Variants in ANO10 observed in about 807,000 individuals in gnomAD.
ANO10 encodes anoctamin 10, also known as anoctamin-10.
ANO10 carries 77 observed loss-of-function variants against 74.7 expected under a neutral mutation model. The observed-to-expected ratio is 1.03, with a 90% CI of 0.86 to 1.25. ANO10 has a LOEUF of 1.25. Ranked by LOEUF, ANO10 falls within the 50% of genes most tolerant of loss-of-function variation. ANO10 has a pLI of 0.00. For synonymous variants in ANO10, 279 were observed against 284.9 expected (o/e 0.98, Z 0.21); for missense variants, 721 against 778.1 (o/e 0.93, Z 0.87).
intron 6 of ANO10, 73 bp from the exon 7 acceptor site, chr3:43,574,937 A>C: frequency 7.9e-7 from 1 of 1,258,320 alleles, no homozygotes; most frequent in Middle Eastern, 1.9e-4. Context: ...AGGTAAAGTG[A>C]GTTGCATTGA....
chr3:43,680,191 A>G (rs1472702456), intron 1 of ANO10, among the ~76,000 whole-genome samples: 3 of 152,204 alleles, frequency 2.0e-5, no homozygotes, highest in African/African-American at 7.2e-5. Flanking sequence ...ACCTTGAAAA[A>G]AAATTAGACG....
chr3:43,508,711 G>A (rs192736047), intron 11 of ANO10, among the ~76,000 whole-genome samples: 37 of 151,158 alleles, frequency 2.4e-4, no homozygotes, highest in East Asian at 1.6e-3. Context: ...ACCAAACACC[G>A]CATGTTCTCA....
chr3:43,600,325 C>A, intron 3 of ANO10, 59 bp downstream of exon 3: 1 of 1,583,288 alleles, frequency 6.3e-7, no homozygotes, highest in South Asian at 1.1e-5. Context: ...CTGATCTATT[C>A]ATCATAAACT....
chr3:43,598,716 T>C, intron 3 of ANO10, 50 bp from the exon 4 acceptor site: 1 of 1,405,550 alleles, frequency 7.1e-7, no homozygotes. Context: ...AAAATAAAAA[T>C]ATTCCAATTA....
At chr3:43,664,972 C>A (rs555057530) in intron 1 of ANO10, among the ~76,000 whole-genome samples, 30 of 152,270 alleles carry the variant, frequency 2.0e-4, no homozygotes, top group African/African-American at 6.3e-4. Context: ...TGTGGCAATT[C>A]CTCACGGATC....
chr3:43,571,879 GA>G (rs1013009822), intron 7 of ANO10, among the ~76,000 whole-genome samples: 1 of 88,668 alleles, frequency 1.1e-5, no homozygotes, highest in Non-Finnish European at 2.4e-5. Context: ...AAAAAAAAAA[GA>G]AAAATGTAAT....
chr3:43,447,680 TCTA>T (rs2093268200), intron 11 of ANO10, among the ~76,000 whole-genome samples: 1 of 152,176 alleles, frequency 6.6e-6, no homozygotes, highest in African/African-American at 2.4e-5. Context: ...CTAATGAAGT[TCTA>T]CTATTTTTTA....
intron 12 of ANO10, among the ~76,000 whole-genome samples, chr3:43,418,046 A>C (rs2092768093): frequency 6.6e-6 from 1 of 152,228 alleles, no homozygotes; most frequent in African/African-American, 2.4e-5. Context: ...TGGGAGGCTG[A>C]GGCAGGCGGA....
intron 11 of ANO10, among the ~76,000 whole-genome samples, chr3:43,488,023 C>G (rs1204726365): frequency 6.6e-6 from 1 of 152,146 alleles, no homozygotes; most frequent in Non-Finnish European, 1.5e-5. Flanking sequence ...CGCGTATCTA[C>G]AACTATCTGA....
At chr3:43,372,724 C>A in intron 12 of ANO10, 1 of 855,878 alleles carries the variant, frequency 1.2e-6, no homozygotes, top group Non-Finnish European at 1.9e-6. Context: ...ATGTTCTATC[C>A]TACCTGGTAT....
intron 11 of ANO10, among the ~76,000 whole-genome samples, chr3:43,459,898 C>T (rs1207201737): frequency 6.6e-6 from 1 of 152,110 alleles, no homozygotes; most frequent in Admixed American, 6.6e-5. Flanking sequence ...TACTCAGGGT[C>T]ACAAACCAGT....
chr3:43,455,908 C>T (rs956178203), intron 11 of ANO10, among the ~76,000 whole-genome samples: 2 of 151,954 alleles, frequency 1.3e-5, no homozygotes, highest in African/African-American at 4.8e-5. Flanking sequence ...TAACATATTC[C>T]AGCACTGCTA....
intron 11 of ANO10, among the ~76,000 whole-genome samples, chr3:43,530,606 A>G (rs1229130364): frequency 6.6e-6 from 1 of 152,034 alleles, no homozygotes; most frequent in Non-Finnish European, 1.5e-5. Context: ...AGAGACAGAG[A>G]AAGAAAGAGA....
Position 43,412,060 on chromosome 3 carries a change from A to ATG in ANO10, c.1914+20549_1914+20550dup, listed in dbSNP as rs1304549740. 2.0e-5 allele frequency among the ~76,000 whole-genome samples: 3 copies of ATG among 148,116 alleles called. No homozygotes were observed. The Admixed American group carries it at 2.0e-4, about 10-fold the overall frequency. On this transcript the variant is annotated intron_variant, in intron 12 of 12. Transcript: ENST00000292246. ...ATATATTTGTAAATATATTATATAT[A>ATG]TGTATATATATATTATTTTAAACTG...
intron 1 of ANO10, chr3:43,691,295 G>T: frequency 2.9e-6 from 1 of 346,622 alleles, no homozygotes; most frequent in Non-Finnish European, 5.2e-6. Flanking sequence ...AGGCCGCCTT[G>T]ACCCCGCGCG....
intron 1 of ANO10, among the ~76,000 whole-genome samples, chr3:43,627,081 G>T (rs1423822705): frequency 6.6e-6 from 1 of 152,134 alleles, no homozygotes; most frequent in East Asian, 1.9e-4. Context: ...TGTATGCTTA[G>T]ATTCATAGCA....
intron 1 of ANO10, among the ~76,000 whole-genome samples, chr3:43,645,781 G>A (rs6793877): frequency 0.67 from 101,386 of 151,908 alleles, 34,458 homozygotes; most frequent in East Asian, 0.89. Context: ...CAAAGGCTCT[G>A]GCAAAGTTAT....
intron 12 of ANO10, among the ~76,000 whole-genome samples, chr3:43,373,947 T>C (rs1363864927): frequency 1.3e-5 from 2 of 152,234 alleles, no homozygotes; most frequent in African/African-American, 4.8e-5. Context: ...GCCTCTGTCC[T>C]TTCATGTTCT....
Position 43,584,210 on chromosome 3 carries a change from T to C in ANO10, c.473-3738A>G, listed in dbSNP as rs375801244. On this transcript the variant is annotated intron_variant, in intron 4 of 12. Transcript: ENST00000292246. ...GCCAATTACTAATTCTCCATGTTGC[T>C]TGTCATGTGGTGGAATGAGGGGGAA... Among the ~76,000 whole-genome samples the C allele has an allele frequency of 3.9e-5, 6 of 152,220 alleles. No individual in the cohort carries two copies. In the East Asian group the frequency reaches 9.6e-4, roughly 24 times the overall value.
Sources: allele counts gnomAD v4.1 joint callset (sites outside exome capture counted in the v4.1 genomes callset), GRCh38; gene constraint gnomAD v4.1.1; transcripts MANE v1.5; gene names NCBI Gene and HGNC (gene_info 2026-07-23, HGNC 2026-07-21).